Variants in GRM8 observed in about 807,000 individuals in gnomAD.
The protein encoded by GRM8 is metabotropic glutamate receptor 8.
GRM8 carries 47 observed loss-of-function variants against 87.2 expected under a neutral mutation model. The ratio of observed to expected loss-of-function variants is 0.54; its 90% CI spans 0.43 to 0.69. GRM8 has a LOEUF of 0.69. GRM8 is among the 30% of genes least tolerant of loss of function. GRM8 has a pLI of 0.00. For missense variants in GRM8, 1,019 were observed against 1,139.2 expected (o/e 0.89, Z 1.52); for synonymous variants, 396 against 404.5 (o/e 0.98, Z 0.25).
At chr7:126,684,169 G>A (rs1024339834) in intron 7 of GRM8, among the ~76,000 whole-genome samples, 3 of 152,170 alleles carry the variant, frequency 2.0e-5, no homozygotes, top group Non-Finnish European at 4.4e-5. Flanking sequence ...CACGATCACT[G>A]TATATGGAGT....
At chr7:126,734,492 A>G (rs563836148) in intron 7 of GRM8, among the ~76,000 whole-genome samples, 5 of 151,334 alleles carry the variant, frequency 3.3e-5, no homozygotes, top group African/African-American at 1.2e-4. Context: ...TATATTCTTA[A>G]TATTTCATAT....
In GRM8 at chr7:126,783,519, C is replaced by T. The variant is rs374330878; in HGVS notation, c.1157-13454G>A. ...AGTGAGCCACTGCACCTAGCCCTAC[C>T]TGCTTTTTTCTAAGCTTCATATAGG... On this transcript the variant is annotated intron_variant, in intron 6 of 10. Coordinates refer to ENST00000339582, the MANE Select transcript of GRM8 (RefSeq NM_000845.3). Among the ~76,000 whole-genome samples, 18 of 152,290 alleles carry T rather than the reference C, an allele frequency of 1.2e-4. No homozygotes were observed. In the South Asian group the frequency reaches 3.5e-3, roughly 30 times the overall value.
chr7:127,134,135 A>T (rs1322841702), intron 2 of GRM8, among the ~76,000 whole-genome samples: 1 of 152,216 alleles, frequency 6.6e-6, no homozygotes, highest in African/African-American at 2.4e-5. Flanking sequence ...TAGTACATAA[A>T]AGTACTGACT....
intron 8 of GRM8, among the ~76,000 whole-genome samples, chr7:126,555,084 A>G (rs1792993034): frequency 1.3e-5 from 2 of 152,204 alleles, no homozygotes; most frequent in South Asian, 4.2e-4. Flanking sequence ...ACACTTAAAA[A>G]CAAAACAAAG....
At chr7:127,128,064 T>C (rs887596022) in intron 2 of GRM8, among the ~76,000 whole-genome samples, 5 of 152,118 alleles carry the variant, frequency 3.3e-5, no homozygotes, top group African/African-American at 4.8e-5. Context: ...GGCACTCTCA[T>C]GGCCTTCCAA....
chr7:126,670,399 T>C (rs1207323556), intron 7 of GRM8, among the ~76,000 whole-genome samples: 3 of 152,204 alleles, frequency 2.0e-5, no homozygotes, highest in African/African-American at 4.8e-5. Context: ...CAAAATTGTA[T>C]GGGATTTCTA....
intron 9 of GRM8, chr7:126,511,143 T>C (rs1385925430): frequency 6.6e-6 from 1 of 152,120 alleles, no homozygotes; most frequent in African/African-American, 2.4e-5. Flanking sequence ...AGATCAGTAC[T>C]GCCAGTAGCA....
At chr7:127,130,580 G>C (rs1037649443) in intron 2 of GRM8, among the ~76,000 whole-genome samples, 2 of 152,168 alleles carry the variant, frequency 1.3e-5, no homozygotes, top group Non-Finnish European at 2.9e-5. Context: ...CTTTGAACTT[G>C]AGAAACATGA....
chr7:126,937,381 G>A (rs1017508495), intron 3 of GRM8, among the ~76,000 whole-genome samples: 8 of 152,186 alleles, frequency 5.3e-5, no homozygotes, highest in Non-Finnish European at 8.8e-5. Flanking sequence ...GAATTTTTGC[G>A]GGTATTACAT....
chr7:127,020,103 G>A (rs917660456), intron 3 of GRM8, among the ~76,000 whole-genome samples: 3 of 152,058 alleles, frequency 2.0e-5, no homozygotes, highest in African/African-American at 7.2e-5. Context: ...ATACACAGAA[G>A]CCCAAATGTG....
At chr7:126,837,714 C>T (rs559465855) in intron 6 of GRM8, among the ~76,000 whole-genome samples, 1 of 152,322 alleles carries the variant, frequency 6.6e-6, no homozygotes, top group East Asian at 1.9e-4. Context: ...CGGGCCTGGA[C>T]AGCAGAAGAT....
At chr7:126,927,100 C>T (rs1282738023) in intron 3 of GRM8, among the ~76,000 whole-genome samples, 1 of 152,160 alleles carries the variant, frequency 6.6e-6, no homozygotes, top group Non-Finnish European at 1.5e-5. Flanking sequence ...AGTACCTTAT[C>T]AAACAGTCCA....
intron 7 of GRM8, among the ~76,000 whole-genome samples, chr7:126,647,996 T>C (rs972738480): frequency 2.0e-5 from 3 of 152,172 alleles, no homozygotes; most frequent in Non-Finnish European, 4.4e-5. Context: ...CAATGAACAA[T>C]TTAGATTCTG....
At chr7:127,154,511 G>A (rs1792602587) in intron 2 of GRM8, among the ~76,000 whole-genome samples, 1 of 152,120 alleles carries the variant, frequency 6.6e-6, no homozygotes, top group African/African-American at 2.4e-5. Context: ...CTTTCACAGA[G>A]TAAAGAAGCC....
At chr7:126,977,469 C>T (rs1811111998) in intron 3 of GRM8, among the ~76,000 whole-genome samples, 1 of 152,186 alleles carries the variant, frequency 6.6e-6, no homozygotes, top group Admixed American at 6.5e-5. Flanking sequence ...GAGGACAACA[C>T]AATATCTGGA....
At chr7:126,548,103 T>C (rs558077881) in intron 8 of GRM8, among the ~76,000 whole-genome samples, 9 of 152,100 alleles carry the variant, frequency 5.9e-5, no homozygotes, top group South Asian at 2.1e-4. Context: ...CCAGTCTAAA[T>C]TGGAGAAGCC....
rs761637640 is a variant in GRM8, at chr7:127,242,989, C to A, written c.216G>T (p.Gly72=). The change falls in exon 2 of 11, where the codon GGG becomes GGT. Residue 72 remains glycine, a synonymous_variant. Transcript: ENST00000339582. ...VPCGELKKEK[G]IHRLEAMLYA... ...AAAGCATGGCCTCCAGTCTGTGAAT[C>A]CCCTTTTCCTTCTTCAGCTCCCCAC... The A allele has an allele frequency of 6.2e-7, 1 of 1,614,088 alleles. No homozygotes were observed. The highest frequency in any genetic ancestry group is 1.1e-5 in the South Asian group (1 of 91,076).
intron 9 of GRM8, among the ~76,000 whole-genome samples, chr7:126,458,057 G>A (rs767428771): frequency 6.8e-6 from 1 of 147,404 alleles, no homozygotes; most frequent in Non-Finnish European, 1.5e-5. Context: ...TAAAGTTTAA[G>A]AGCAACTTAG....
At chr7:126,471,269 C>T (rs1805182514) in intron 9 of GRM8, among the ~76,000 whole-genome samples, 1 of 152,146 alleles carries the variant, frequency 6.6e-6, no homozygotes, top group Non-Finnish European at 1.5e-5. Flanking sequence ...CTTGCCCATG[C>T]CTATGTCCTG....
Sources: gnomAD v4.1 joint callset for allele counts (sites outside exome capture counted in the v4.1 genomes callset) on GRCh38, gnomAD v4.1.1 for gene constraint, MANE v1.5 for transcripts, NCBI Gene and HGNC (gene_info 2026-07-23, HGNC 2026-07-21) for gene names.